The following CSGALNACT1 variants were observed in gnomAD, a reference collection of about 807,000 sequenced individuals.
The protein encoded by CSGALNACT1 is chondroitin sulfate N-acetylgalactosaminyltransferase 1, also known as beta4GalNAcT-1.
A neutral mutation model predicts 51.0 loss-of-function variants in CSGALNACT1; 52 were observed. That is an observed-to-expected ratio of 1.02 (90% CI 0.82 to 1.29). The LOEUF is 1.29. Among genes scored for constraint, CSGALNACT1 ranks in the 50% most tolerant of loss-of-function variants. The pLI is 0.00. For missense variants in CSGALNACT1, 935 were observed against 679.2 expected (o/e 1.38, Z -4.19); for synonymous variants, 341 against 254.4 (o/e 1.34, Z -3.24).
chr8:19,458,925 A>G (rs1179594793), intron 4 of CSGALNACT1, among the ~76,000 whole-genome samples: 4 of 152,220 alleles, frequency 2.6e-5, no homozygotes, highest in Non-Finnish European at 5.9e-5. Flanking sequence ...CATTTGCAAA[A>G]GGATTTTTAG....
At chr8:19,632,347 C>A (rs1028011109) in intron 1 of CSGALNACT1, among the ~76,000 whole-genome samples, 1 of 152,238 alleles carries the variant, frequency 6.6e-6, no homozygotes, top group Non-Finnish European at 1.5e-5. Flanking sequence ...TAAAAACAAG[C>A]GCTTTCTCAA....
intron 3 of CSGALNACT1, among the ~76,000 whole-genome samples, chr8:19,540,131 T>A (rs758988254): frequency 1.1e-4 from 16 of 152,190 alleles, no homozygotes; most frequent in Non-Finnish European, 1.8e-4. Flanking sequence ...GCTATTCCCA[T>A]GGCATGTGTT....
chr8:19,666,957 AAGAAAGAAAGAAAG>A (rs2059326419), intron 1 of CSGALNACT1, among the ~76,000 whole-genome samples: 2 of 12,418 alleles, frequency 1.6e-4, no homozygotes, highest in African/African-American at 8.7e-4. Context: ...GAAAGAAAGA[AAGAAAGAAAGAAAG>A]AAAGAAAGAA....
intron 1 of CSGALNACT1, among the ~76,000 whole-genome samples, chr8:19,666,869 G>C (rs900335096): frequency 7.8e-6 from 1 of 128,576 alleles, no homozygotes; most frequent in Non-Finnish European, 1.6e-5. Flanking sequence ...AAGAAAGAAA[G>C]AAAGAAAGAA....
intron 1 of CSGALNACT1, among the ~76,000 whole-genome samples, chr8:19,714,631 C>T (rs998980107): frequency 5.9e-5 from 9 of 152,088 alleles, no homozygotes; most frequent in Admixed American, 6.5e-5. Context: ...TTGTGCATTG[C>T]CTACCTTTTC....
At chr8:19,713,819 C>T (rs569004533) in intron 1 of CSGALNACT1, among the ~76,000 whole-genome samples, 44 of 152,272 alleles carry the variant, frequency 2.9e-4, no homozygotes, top group African/African-American at 8.7e-4. Flanking sequence ...AATTTCAATA[C>T]GTTTTTGCTA....
intron 3 of CSGALNACT1, among the ~76,000 whole-genome samples, chr8:19,561,463 A>T (rs1340680191): frequency 3.3e-5 from 5 of 152,184 alleles, no homozygotes; most frequent in Non-Finnish European, 7.3e-5. Flanking sequence ...CCTATGTATG[A>T]GTCCCTCTCC....
intron 1 of CSGALNACT1, among the ~76,000 whole-genome samples, chr8:19,718,795 A>G (rs1379100585): frequency 6.6e-6 from 1 of 151,858 alleles, no homozygotes; most frequent in Non-Finnish European, 1.5e-5. Context: ...CATCCACTCT[A>G]CCCTTGCCTC....
intron 3 of CSGALNACT1, among the ~76,000 whole-genome samples, chr8:19,517,646 G>A (rs2079831368): frequency 1.3e-5 from 2 of 152,100 alleles, no homozygotes; most frequent in Admixed American, 1.3e-4. Context: ...CATGGCAGAA[G>A]GGGAACAGTT....
rs372462957 is a variant in CSGALNACT1, at chr8:19,525,527, G to C, written c.-296-19397C>G. On this transcript the variant is annotated intron_variant, in intron 3 of 9. Coordinates refer to ENST00000454498, the Ensembl canonical transcript of CSGALNACT1. ...TGCTACTCAGGAGGCTGAGGTAGGAGAATCGCTTGAACCCAGCAGGCAGAG... is the reference window on the plus strand; with the variant it reads ...TGCTACTCAGGAGGCTGAGGTAGGACAATCGCTTGAACCCAGCAGGCAGAG... Among the ~76,000 whole-genome samples, 4 of 141,034 alleles carry C rather than the reference G, an allele frequency of 2.8e-5. No individual in the cohort carries two copies. In the East Asian group the frequency reaches 6.9e-4, roughly 24 times the overall value. The allele number at this position is 141,034 out of a possible 152,430, so 92.5% of individuals were successfully genotyped here.
intron 8 of CSGALNACT1, among the ~76,000 whole-genome samples, chr8:19,415,632 A>G (rs368235360): frequency 1.3e-5 from 2 of 152,366 alleles, no homozygotes; most frequent in Middle Eastern, 3.4e-3. Flanking sequence ...AATACAAAGA[A>G]AAATCTTTTG....
At chr8:19,547,068 T>C (rs541514566) in intron 3 of CSGALNACT1, among the ~76,000 whole-genome samples, 1 of 152,324 alleles carries the variant, frequency 6.6e-6, no homozygotes. Flanking sequence ...CTGGGTTTTC[T>C]ATACCCAAGA....
At chr8:19,551,092 A>G (rs2087935278) in intron 3 of CSGALNACT1, among the ~76,000 whole-genome samples, 1 of 152,230 alleles carries the variant, frequency 6.6e-6, no homozygotes, top group Non-Finnish European at 1.5e-5. Flanking sequence ...AAAAGCTATT[A>G]ACCAGCAAAA....
intron 1 of CSGALNACT1, among the ~76,000 whole-genome samples, chr8:19,714,893 T>C (rs984834277): frequency 3.3e-5 from 5 of 152,164 alleles, no homozygotes; most frequent in African/African-American, 1.2e-4. Context: ...ACCTGATAAG[T>C]AGGCTTTTGA....
chr8:19,465,125 A>G (rs2066379700), intron 4 of CSGALNACT1, among the ~76,000 whole-genome samples: 1 of 152,224 alleles, frequency 6.6e-6, no homozygotes, highest in Admixed American at 6.5e-5. Flanking sequence ...TGGATAAACA[A>G]AATGTGGTCC....
chr8:19,492,802 A>G (rs1260975374), intron 4 of CSGALNACT1, among the ~76,000 whole-genome samples: 2 of 152,196 alleles, frequency 1.3e-5, no homozygotes, highest in Non-Finnish European at 2.9e-5. Context: ...CCCAAACTGG[A>G]AATTCATCTT....
intron 6 of CSGALNACT1, among the ~76,000 whole-genome samples, chr8:19,421,995 G>C (rs1369648602): frequency 2.0e-5 from 3 of 152,168 alleles, no homozygotes; most frequent in Non-Finnish European, 4.4e-5. Context: ...ATGAGTGTAT[G>C]AATGTATGAA....
In CSGALNACT1 at chr8:19,405,991, A is replaced by G. The variant is rs761549070; in HGVS notation, c.1388T>C (p.Ile463Thr). The change falls in exon 10 of 10, where the codon ATA (isoleucine) becomes ACA (threonine). Residue 463 changes from isoleucine to threonine, a missense_variant. Physicochemically the swap from Ile to Thr is moderately conservative, Grantham distance 89. Coordinates refer to ENST00000454498, the Ensembl canonical transcript of CSGALNACT1. ...TCCTCGCACAGGCGTCCGTACCACT[A>G]TGAGGTTGCTGTGGAGATACTTGCG... 23 of 1,614,024 alleles carry G rather than the reference A, an allele frequency of 1.4e-5. No homozygotes were observed. The highest frequency in any genetic ancestry group is 1.9e-5 in the Non-Finnish European group (22 of 1,180,034).
intron 5 of CSGALNACT1, among the ~76,000 whole-genome samples, chr8:19,450,273 G>T (rs1235685868): frequency 8.0e-6 from 1 of 124,926 alleles, no homozygotes; most frequent in Non-Finnish European, 1.7e-5. Flanking sequence ...GAGGAGAGGG[G>T]GGAGGAGAGG....
Sources: gnomAD v4.1 joint callset for allele counts (sites outside exome capture counted in the v4.1 genomes callset) on GRCh38, gnomAD v4.1.1 for gene constraint, MANE v1.5 for transcripts, NCBI Gene and HGNC (gene_info 2026-07-23, HGNC 2026-07-21) for gene names.